SLC7A14: variants seen among roughly 807,000 people sequenced by gnomAD.
SLC7A14 encodes the protein solute carrier family 7 member 14, also known as gamma-aminobutyric acid transporter SLC7A14.
SLC7A14 carries 37 observed loss-of-function variants against 60.2 expected under a neutral mutation model. The observed-to-expected ratio is 0.61, with a 90% CI of 0.47 to 0.81. The LOEUF is 0.81. SLC7A14 is among the 30% of genes least tolerant of loss of function. SLC7A14 has a pLI of 0.00. For synonymous variants in SLC7A14, 399 were observed against 395.8 expected (o/e 1.01, Z -0.10); for missense variants, 886 against 982.7 (o/e 0.90, Z 1.32).
chr3:170,519,433 A>G (rs1298122169), intron 2 of SLC7A14, among the ~76,000 whole-genome samples: 6 of 152,344 alleles, frequency 3.9e-5, no homozygotes, highest in East Asian at 1.9e-4. Flanking sequence ...GTTTAGGCCA[A>G]TGTCAGTGGG....
intron 1 of SLC7A14, among the ~76,000 whole-genome samples, chr3:170,571,431 TG>T (rs1285723561): frequency 6.6e-6 from 1 of 152,234 alleles, no homozygotes; most frequent in Non-Finnish European, 1.5e-5. Flanking sequence ...TATATTATGT[TG>T]GTCATTAGGG....
At position 170,467,314 on chromosome 3, in the gene SLC7A14, T is replaced by A; in HGVS notation, c.2057A>T (p.Glu686Val). ...TTGGTACGTGCTTTGGTGCAGGGCC[T>A]CTTCTCGAGCGCTGATTTCCAGGGT... ...NSTLEISARE[E>V]ALHQSTYQRY... is the part of the protein sequence containing the mutation. Residue 686 changes from glutamate to valine, a missense_variant, in exon 8 of 8, where the codon GAG becomes GTG. Glu to Val is a moderately radical substitution (Grantham distance 121, BLOSUM62 -2). Coordinates refer to ENST00000231706, the MANE Select transcript of SLC7A14 (RefSeq NM_020949.3). 6.2e-7 allele frequency: 1 copy of A among 1,613,640 alleles called. No individual in the cohort carries two copies. The highest frequency in any genetic ancestry group is 8.5e-7 in the Non-Finnish European group (1 of 1,179,780).
Position 170,526,844 on chromosome 3 carries a change from T to C in SLC7A14, c.93A>G (p.Pro31=), listed in dbSNP as rs1560269776. 7 of 1,614,008 alleles carry C rather than the reference T, an allele frequency of 4.3e-6. No homozygotes were observed. Among genetic ancestry groups the C allele is most frequent in the Admixed American group, 1.7e-5 (1 of 59,990 alleles). ...AMHSRILRTK[P]VESMLEGTGT... ...CAGTTCCCTCTAGCATGGACTCCAC[T>C]GGTTTGGTGCGTAGGATCCTGGAGT... The change falls in exon 2 of 8, where the codon CCA becomes CCG. Residue 31 remains proline (P), a synonymous_variant. Transcript: ENST00000231706.
intron 1 of SLC7A14, among the ~76,000 whole-genome samples, chr3:170,555,573 C>G (rs1009599016): frequency 3.4e-4 from 52 of 152,280 alleles, no homozygotes; most frequent in African/African-American, 1.1e-3. Flanking sequence ...TGTACCCACA[C>G]AAACCCAGAT....
At chr3:170,577,002 G>A (rs1006965539) in intron 1 of SLC7A14, among the ~76,000 whole-genome samples, 3 of 152,160 alleles carry the variant, frequency 2.0e-5, no homozygotes, top group Admixed American at 2.0e-4. Flanking sequence ...CATTGATTTA[G>A]CTGTCAACCC....
intron 1 of SLC7A14, among the ~76,000 whole-genome samples, chr3:170,541,285 G>C (rs1358591023): frequency 6.6e-6 from 1 of 151,880 alleles, no homozygotes; most frequent in Non-Finnish European, 1.5e-5. Context: ...TTAAGCAACT[G>C]TTAAAATATT....
intron 4 of SLC7A14, among the ~76,000 whole-genome samples, chr3:170,490,153 A>C (rs1407192213): frequency 1.3e-5 from 2 of 152,236 alleles, no homozygotes; most frequent in African/African-American, 4.8e-5. Context: ...CCCATTCTCC[A>C]CGATGTGCTT....
chr3:170,576,754 C>T lies in SLC7A14; in HGVS notation c.-153+9157G>A, dbSNP rs145911553. ...CATTTTGGACAGGACATTTTTTATT[C>T]TGCAGGATTTTTCTGTCTAATGCAG... On this transcript the variant is annotated intron_variant, in intron 1 of 7. Coordinates refer to ENST00000231706, the MANE Select transcript of SLC7A14 (RefSeq NM_020949.3). Among the ~76,000 whole-genome samples, 794 of 152,192 alleles carry T rather than the reference C, an allele frequency of 5.2e-3. 5 individuals carry two copies. Among genetic ancestry groups the T allele is most frequent in the Admixed American group, 0.012 (181 of 15,296 alleles).
At position 170,557,310 on chromosome 3, in the gene SLC7A14, A is replaced by G. The variant is rs373886808; in HGVS notation, c.-153+28601T>C. Among the ~76,000 whole-genome samples the G allele has an allele frequency of 1.9e-4, 29 of 152,152 alleles. 1 individual carries two copies. The highest frequency in any genetic ancestry group is 6.7e-4 in the African/African-American group (28 of 41,496). On this transcript the variant is annotated intron_variant, in intron 1 of 7. Coordinates refer to ENST00000231706, the MANE Select transcript of SLC7A14 (RefSeq NM_020949.3). ...TTTTTTTTTCAGAAACCTCACAGCA[A>G]TGGGCAGTTCTGCTGCCCAGCCGAG...
rs139016892 is a variant in SLC7A14 at position 170,572,045 on chromosome 3, A to C, written c.-153+13866T>G. Among the ~76,000 whole-genome samples, 532 of 134,072 alleles carry C rather than the reference A, an allele frequency of 4.0e-3. 2 individuals are homozygous for C. Among genetic ancestry groups the C allele is most frequent in the African/African-American group, 0.013 (496 of 37,358 alleles). The allele number at this position is 134,072 out of a possible 152,430, so 88.0% of individuals were successfully genotyped here. Reference sequence around the variant, plus strand: ...CACTGCACTTCAGCCTGGGCAATAGAGGGAGACTCTGTCTCAAAAAAAAAA... The same window carrying C: ...CACTGCACTTCAGCCTGGGCAATAGCGGGAGACTCTGTCTCAAAAAAAAAA... On this transcript the variant is annotated intron_variant, in intron 1 of 7. Coordinates refer to ENST00000231706, the MANE Select transcript of SLC7A14 (RefSeq NM_020949.3).
intron 1 of SLC7A14, among the ~76,000 whole-genome samples, chr3:170,555,354 T>C (rs1309766205): frequency 6.6e-6 from 1 of 152,084 alleles, no homozygotes; most frequent in Non-Finnish European, 1.5e-5. Context: ...GAAATTATGT[T>C]CAATCTGTAT....
intron 1 of SLC7A14, among the ~76,000 whole-genome samples, chr3:170,574,105 C>A (rs1715023809): frequency 6.6e-6 from 1 of 152,194 alleles, no homozygotes; most frequent in African/African-American, 2.4e-5. Context: ...CCCTACAAAG[C>A]CCTACCTGAG....
At chr3:170,469,381 G>A (rs1739817360) in intron 7 of SLC7A14, among the ~76,000 whole-genome samples, 1 of 152,112 alleles carries the variant, frequency 6.6e-6, no homozygotes, top group Admixed American at 6.5e-5. Context: ...AGTAAGCACA[G>A]ATTTATAGTC....
chr3:170,584,694 C>A (rs557973359), intron 1 of SLC7A14, among the ~76,000 whole-genome samples: 1 of 152,158 alleles, frequency 6.6e-6, no homozygotes. Flanking sequence ...TAGCACCCAG[C>A]CTCTGAGAAC....
chr3:170,515,342 G>GTA (rs951182591), intron 2 of SLC7A14, among the ~76,000 whole-genome samples: 15 of 148,642 alleles, frequency 1.0e-4, no homozygotes, highest in Admixed American at 4.1e-4. Flanking sequence ...ATATATATAT[G>GTA]TATATATATA....
At chr3:170,583,636 A>G (rs1242735667) in intron 1 of SLC7A14, among the ~76,000 whole-genome samples, 1 of 152,256 alleles carries the variant, frequency 6.6e-6, no homozygotes, top group Non-Finnish European at 1.5e-5. Context: ...TGATATTCAA[A>G]GCTATTCTAG....
intron 6 of SLC7A14, among the ~76,000 whole-genome samples, chr3:170,482,203 C>T (rs1293999905): frequency 6.6e-6 from 1 of 152,196 alleles, no homozygotes; most frequent in African/African-American, 2.4e-5. Context: ...CCCTCTCCTC[C>T]TGGTCCCTTA....
intron 1 of SLC7A14, among the ~76,000 whole-genome samples, chr3:170,575,255 A>T (rs1473514483): frequency 1.3e-5 from 2 of 152,156 alleles, no homozygotes; most frequent in African/African-American, 4.8e-5. Flanking sequence ...GAAAATAGAG[A>T]GACTGTGATA....
intron 7 of SLC7A14, among the ~76,000 whole-genome samples, chr3:170,475,326 C>G (rs960996229): frequency 6.6e-6 from 1 of 152,210 alleles, no homozygotes; most frequent in Admixed American, 6.5e-5. Flanking sequence ...AGTTATGACT[C>G]AGCCTAATCA....
Sources: allele counts gnomAD v4.1 joint callset (sites outside exome capture counted in the v4.1 genomes callset), GRCh38; gene constraint gnomAD v4.1.1; transcripts MANE v1.5; gene names NCBI Gene and HGNC (gene_info 2026-07-23, HGNC 2026-07-21).